Variants in STRIP2 observed in about 807,000 individuals in gnomAD.
STRIP2 encodes the protein striatin-interacting protein 2.
Under a neutral mutation model 107.1 loss-of-function variants are expected in STRIP2, and 84 were observed. That is an observed-to-expected ratio of 0.78 (90% confidence interval 0.66 to 0.94). The LOEUF (loss-of-function observed/expected upper bound fraction) is 0.94, where lower values mean the gene tolerates loss of function less well. Ranked by LOEUF, STRIP2 falls within the 40% of genes least tolerant of loss-of-function variation. The pLI is 0.00. For synonymous variants in STRIP2, 394 were observed against 400.4 expected (o/e 0.98, Z 0.19); for missense variants, 888 against 1,034.2 (o/e 0.86, Z 1.94).
chr7:129,438,416 A>AT (rs1235847195), intron 1 of STRIP2, among the ~76,000 whole-genome samples: 1 of 152,244 alleles, frequency 6.6e-6, no homozygotes, highest in East Asian at 1.9e-4. Flanking sequence ...ATAGTATAAT[A>AT]TTAAAATCAT....
At chr7:129,448,730 G>C (rs1406353791) in intron 3 of STRIP2, among the ~76,000 whole-genome samples, 1 of 152,120 alleles carries the variant, frequency 6.6e-6, no homozygotes, top group East Asian at 1.9e-4. Flanking sequence ...CCTTGCCTTT[G>C]ATGGTCGAGT....
chr7:129,467,042 G>C (rs1798686694), intron 16 of STRIP2, among the ~76,000 whole-genome samples: 1 of 152,198 alleles, frequency 6.6e-6, no homozygotes, highest in African/African-American at 2.4e-5. Flanking sequence ...CCCTCGGGGA[G>C]CCTTCCTTTC....
intron 2 of STRIP2, 91 bp downstream of exon 2, chr7:129,440,182 A>G: frequency 9.2e-7 from 1 of 1,089,588 alleles, no homozygotes; most frequent in East Asian, 2.4e-5. Context: ...GTCTGTTCTC[A>G]CCAAGTGGCT....
intron 12 of STRIP2, 51 bp from the exon 13 acceptor site, chr7:129,460,250 A>C (rs1339256048): frequency 6.6e-7 from 1 of 1,523,524 alleles, no homozygotes; most frequent in Non-Finnish European, 9.0e-7. Context: ...AGACTGGTAC[A>C]CATGTGAATG....
chr7:129,452,729 G>A (rs1382833769), intron 4 of STRIP2, among the ~76,000 whole-genome samples: 4 of 152,204 alleles, frequency 2.6e-5, no homozygotes, highest in Non-Finnish European at 5.9e-5. Flanking sequence ...GGGCATCCAG[G>A]AAGTGTAGGG....
chr7:129,450,829 C>T lies in STRIP2; in HGVS notation c.275-784C>T, dbSNP rs555879025. 1.4e-3 allele frequency among the ~76,000 whole-genome samples: 215 copies of T among 151,172 alleles called. 1 individual carries two copies. The highest frequency in any genetic ancestry group is 5.0e-3 in the African/African-American group (206 of 41,216). ...CAGTGTGTTCCTCTAGTTTAGCACC[C>T]CTCATCCAAGAGAAAAATGCTGTGT... On this transcript the variant is annotated intron_variant, in intron 3 of 20. Coordinates refer to ENST00000249344, the MANE Select transcript of STRIP2 (RefSeq NM_020704.3).
chr7:129,474,317 T>TA (rs1016941418), intron 18 of STRIP2, among the ~76,000 whole-genome samples: 2 of 151,804 alleles, frequency 1.3e-5, no homozygotes, highest in East Asian at 1.9e-4. Flanking sequence ...ATTTTTAAAT[T>TA]AAAAAAAAAT....
At position 129,458,877 on chromosome 7, in the gene STRIP2, T is replaced by C. The variant is rs937535173; in HGVS notation, c.1340+100T>C. 8.6e-7 allele frequency: 1 copy of C among 1,166,396 alleles called. No homozygotes were observed. Among genetic ancestry groups the C allele is most frequent in the African/African-American group, 1.5e-5 (1 of 66,276 alleles). 72.3% of individuals were successfully genotyped at this position (1,166,396 alleles called of 1,614,324 possible). On this transcript the variant is annotated intron_variant, in intron 11 of 20. Coordinates refer to ENST00000249344, the MANE Select transcript of STRIP2 (RefSeq NM_020704.3). The surrounding 1 kb of genome is among the most constrained non-coding windows in gnomAD (Gnocchi z 4.6). Reference sequence around the variant, plus strand: ...GGGATGGTGCCTGGTGGTCATAATGTAACCTAGAGCCCCTAGGCCATGGAC... The same window carrying C: ...GGGATGGTGCCTGGTGGTCATAATGCAACCTAGAGCCCCTAGGCCATGGAC...
chr7:129,482,329 A>G (rs1017414330), intron 19 of STRIP2, among the ~76,000 whole-genome samples: 1 of 146,230 alleles, frequency 6.8e-6, no homozygotes, highest in African/African-American at 2.5e-5. Flanking sequence ...TATGAATGGA[A>G]TAGTTCTCTC....
intron 11 of STRIP2, among the ~76,000 whole-genome samples, chr7:129,459,001 T>C (rs1798448707): frequency 6.6e-6 from 1 of 152,240 alleles, no homozygotes; most frequent in Non-Finnish European, 1.5e-5. Flanking sequence ...TAGCCAACTG[T>C]AGGACTTTGA....
chr7:129,447,714 G>A (rs779272977), intron 3 of STRIP2, among the ~76,000 whole-genome samples: 2 of 152,252 alleles, frequency 1.3e-5, no homozygotes, highest in Non-Finnish European at 2.9e-5. Flanking sequence ...GGAGAAAAAG[G>A]CACTTGCCAA....
chr7:129,473,333 T>C (rs1411380958), intron 18 of STRIP2, among the ~76,000 whole-genome samples: 1 of 152,196 alleles, frequency 6.6e-6, no homozygotes, highest in African/African-American at 2.4e-5. Context: ...GTTCACAATA[T>C]CATTTTATTA....
At chr7:129,452,766 C>A (rs1798231207) in intron 4 of STRIP2, among the ~76,000 whole-genome samples, 1 of 152,076 alleles carries the variant, frequency 6.6e-6, no homozygotes, top group Non-Finnish European at 1.5e-5. Context: ...TAGTTTAGCA[C>A]CCTCATCCAA....
intron 18 of STRIP2, among the ~76,000 whole-genome samples, chr7:129,480,014 T>C (rs1033711404): frequency 6.6e-6 from 1 of 152,174 alleles, no homozygotes; most frequent in Non-Finnish European, 1.5e-5. Flanking sequence ...TCCTATCACA[T>C]TGTAGATGTG....
intron 2 of STRIP2, among the ~76,000 whole-genome samples, chr7:129,440,551 A>G (rs540116460): frequency 6.6e-5 from 10 of 152,120 alleles, no homozygotes; most frequent in South Asian, 6.2e-4. Context: ...ACTGCCCCTT[A>G]TTAAAATCTC....
intron 18 of STRIP2, among the ~76,000 whole-genome samples, chr7:129,477,338 G>A (rs908294908): frequency 6.6e-6 from 1 of 152,140 alleles, no homozygotes; most frequent in Non-Finnish European, 1.5e-5. Flanking sequence ...GTATTTCAGA[G>A]ATATACTGTA....
chr7:129,481,228 G>T (rs188128808), intron 19 of STRIP2, among the ~76,000 whole-genome samples: 3 of 152,168 alleles, frequency 2.0e-5, no homozygotes, highest in African/African-American at 7.2e-5. Context: ...TCTGGGCTCC[G>T]TAGCTCATGC....
chr7:129,470,356 T>C (rs575511526), intron 17 of STRIP2, among the ~76,000 whole-genome samples: 2 of 152,262 alleles, frequency 1.3e-5, no homozygotes, highest in African/African-American at 4.8e-5. Flanking sequence ...CAAGTTTACA[T>C]GTTCCTTTAA....
At chr7:129,448,516 T>G (rs942700347) in intron 3 of STRIP2, among the ~76,000 whole-genome samples, 11 of 152,162 alleles carry the variant, frequency 7.2e-5, no homozygotes, top group African/African-American at 2.7e-4. Context: ...GAGGCCATGA[T>G]TCTCTGTTTT....
Sources: gnomAD v4.1 joint callset for allele counts (sites outside exome capture counted in the v4.1 genomes callset) on GRCh38, gnomAD v4.1.1 for gene constraint, Gnocchi (gnomAD v3.1) non-coding constraint, MANE v1.5 for transcripts, NCBI Gene and HGNC (gene_info 2026-07-23, HGNC 2026-07-21) for gene names.